Variants in ACSM2A observed in about 807,000 individuals in gnomAD.
The protein encoded by ACSM2A is acyl-CoA synthetase medium chain family member 2A.
Under a neutral mutation model 76.6 loss-of-function variants are expected in ACSM2A, and 72 were observed. The observed-to-expected ratio is 0.94, with a 90% CI of 0.78 to 1.14. The LOEUF is 1.14. ACSM2A is among the 50% of genes most tolerant of loss of function. The probability of loss-of-function intolerance (pLI) is 0.00; values close to 1 mark genes in which losing one functional copy is unlikely to be tolerated. For missense variants in ACSM2A, 684 were observed against 708.5 expected, an observed-to-expected ratio of 0.97 and a Z score of 0.39; for synonymous variants, 249 against 255.9, an observed-to-expected ratio of 0.97 and a Z score of 0.26.
Position 20,483,160 on chromosome 16 carries a change from T to C in ACSM2A, c.1612T>C (p.Tyr538His), listed in dbSNP as rs763253064. ...GCATGTGAAGTCAGTGACAGCCCCA[T>C]ACAAGTACCCAAGAAAGGTAAGGCC... The part of the protein sequence containing the change: ...QQHVKSVTAP[Y>H]KYPRKIEFVL... Residue 538 changes from tyrosine to histidine, a missense_variant, in exon 13 of 14, where the codon TAC becomes CAC. By Grantham distance (83) the Tyr-to-His change is moderately conservative. Coordinates refer to ENST00000573854, the MANE Select transcript of ACSM2A (RefSeq NM_001308172.2). 2 of 1,613,942 alleles carry C rather than the reference T, an allele frequency of 1.2e-6. No individual in the cohort carries two copies. Among genetic ancestry groups the C allele is most frequent in the Admixed American group, 1.7e-5 (1 of 60,010 alleles).
At chr16:20,478,516 A>G in intron 9 of ACSM2A, 60 bp from the exon 10 acceptor site, 3 of 1,572,912 alleles carry the variant, frequency 1.9e-6, no homozygotes, top group Non-Finnish European at 2.6e-6. Flanking sequence ...CAATCTCATG[A>G]TGCCATTGAA....
intron 4 of ACSM2A, 110 bp downstream of exon 4, chr16:20,469,829 A>C: frequency 7.7e-7 from 1 of 1,305,538 alleles, no homozygotes; most frequent in Non-Finnish European, 1.1e-6. Flanking sequence ...GCATGGGACT[A>C]GGAAGAGTGA....
chr16:20,485,860 G>A (rs1294593723), intron 13 of ACSM2A, among the ~76,000 whole-genome samples: 1 of 152,186 alleles, frequency 6.6e-6, no homozygotes, highest in African/African-American at 2.4e-5. Context: ...CATGGCAACT[G>A]AGCCATATCA....
At chr16:20,471,275 A>T in intron 5 of ACSM2A, 59 bp downstream of exon 5, 2 of 1,580,488 alleles carry the variant, frequency 1.3e-6, no homozygotes, top group Non-Finnish European at 1.7e-6. Flanking sequence ...TAGAAGGAGA[A>T]TGAGACCCAA....
intron 13 of ACSM2A, 42 bp from the exon 14 acceptor site, chr16:20,486,532 C>T (rs868462525): frequency 5.0e-6 from 8 of 1,607,068 alleles, no homozygotes; most frequent in East Asian, 2.2e-5. Flanking sequence ...AACCCACTGT[C>T]GTCACAGATC....
At chr16:20,453,128 A>G (rs1375078975) in intron 1 of ACSM2A, 2 of 152,000 alleles carry the variant, frequency 1.3e-5, no homozygotes, top group South Asian at 2.1e-4. Context: ...AAAAATAGAC[A>G]TAAGCTCTTA....
At chr16:20,479,316 TACCATTTATTGAATGCATATCATG>T (rs1596674099) in intron 10 of ACSM2A, among the ~76,000 whole-genome samples, 1 of 152,224 alleles carries the variant, frequency 6.6e-6, no homozygotes, top group East Asian at 1.9e-4. Context: ...TAATAGTTTC[TACCATTTATTGAATGCATATCATG>T]AGGCAAGCAT....
intron 1 of ACSM2A, among the ~76,000 whole-genome samples, chr16:20,454,898 A>AG (rs1055379005): frequency 5.6e-5 from 7 of 125,514 alleles, no homozygotes; most frequent in Non-Finnish European, 8.0e-5. Context: ...GTCCAATTTA[A>AG]GGAAAAAAAA....
At chr16:20,459,899 A>G (rs1380764164) in intron 1 of ACSM2A, among the ~76,000 whole-genome samples, 1 of 152,188 alleles carries the variant, frequency 6.6e-6, no homozygotes, top group African/African-American at 2.4e-5. Flanking sequence ...GGGATCTAGG[A>G]CTGGGTCTGT....
chr16:20,467,216 G>A (rs2013053426), intron 3 of ACSM2A, among the ~76,000 whole-genome samples: 1 of 152,212 alleles, frequency 6.6e-6, no homozygotes, highest in Non-Finnish European at 1.5e-5. Flanking sequence ...ATAAAAGAAA[G>A]TAGTGGCAAT....
intron 6 of ACSM2A, among the ~76,000 whole-genome samples, chr16:20,473,593 C>T (rs1244780884): frequency 6.6e-6 from 1 of 152,096 alleles, no homozygotes; most frequent in Non-Finnish European, 1.5e-5. Flanking sequence ...TTTGCTTAAA[C>T]CATTGCCATG....
intron 4 of ACSM2A, 66 bp from the exon 5 acceptor site, chr16:20,471,007 A>G (rs2013357035): frequency 6.9e-6 from 11 of 1,602,122 alleles, no homozygotes; most frequent in Middle Eastern, 2.1e-4. Flanking sequence ...GTGGGAAAAG[A>G]TGGGTCACTT....
At chr16:20,479,721 C>G (rs1319439981) in intron 10 of ACSM2A, among the ~76,000 whole-genome samples, 1 of 152,192 alleles carries the variant, frequency 6.6e-6, no homozygotes, top group African/African-American at 2.4e-5. Context: ...ATGTCATGGG[C>G]TTCTCCCCAT....
intron 2 of ACSM2A, among the ~76,000 whole-genome samples, 157 bp downstream of exon 2, chr16:20,460,448 T>A (rs1313781790): frequency 1.5e-4 from 23 of 152,156 alleles, no homozygotes; most frequent in Admixed American, 1.5e-3. Context: ...CAGTATGGTA[T>A]GGGAGAGAGA....
intron 3 of ACSM2A, 36 bp from the exon 4 acceptor site, chr16:20,469,476 A>G (rs749807960): frequency 1.2e-6 from 2 of 1,610,370 alleles, no homozygotes; most frequent in East Asian, 4.5e-5. Flanking sequence ...AAAGAAAATC[A>G]TCCTTTCCAA....
At chr16:20,477,896 G>A (rs1421693143) in intron 9 of ACSM2A, among the ~76,000 whole-genome samples, 3 of 152,174 alleles carry the variant, frequency 2.0e-5, no homozygotes, top group Non-Finnish European at 2.9e-5. Flanking sequence ...AAGGGATGAT[G>A]TCCCAGTTTT....
intron 2 of ACSM2A, among the ~76,000 whole-genome samples, chr16:20,463,774 G>T (rs536674686): frequency 1.2e-4 from 19 of 152,192 alleles, no homozygotes; most frequent in South Asian, 2.1e-4. Context: ...ACAGTATTTG[G>T]TTTTTTGTGT....
At chr16:20,480,425 G>C in intron 10 of ACSM2A, 148 bp from the exon 11 acceptor site, 1 of 1,413,328 alleles carries the variant, frequency 7.1e-7, no homozygotes, top group South Asian at 1.4e-5. Context: ...GCCTAGGGTT[G>C]GCTGGTTCAG....
intron 10 of ACSM2A, among the ~76,000 whole-genome samples, chr16:20,479,905 G>A (rs573669392): frequency 7.8e-4 from 119 of 152,236 alleles, no homozygotes; most frequent in African/African-American, 2.8e-3. Flanking sequence ...TGATGTCTCT[G>A]GTCATCAGTA....
Sources: gnomAD v4.1 joint callset for allele counts (sites outside exome capture counted in the v4.1 genomes callset) on GRCh38, gnomAD v4.1.1 for gene constraint, MANE v1.5 for transcripts, NCBI Gene and HGNC (gene_info 2026-07-23, HGNC 2026-07-21) for gene names.